The following PCLO variants were observed in gnomAD, a reference collection of about 807,000 sequenced individuals.
PCLO encodes piccolo presynaptic cytomatrix protein.
PCLO carries 82 observed loss-of-function variants against 427.5 expected under a neutral mutation model. That is an observed-to-expected ratio of 0.19 (90% CI 0.16 to 0.23). The LOEUF is 0.23. Ranked by LOEUF, PCLO falls within the 10% of genes least tolerant of loss-of-function variation. The probability of loss-of-function intolerance (pLI) is 1.00; values close to 1 mark genes in which losing one functional copy is unlikely to be tolerated. For missense variants in PCLO, 6,239 were observed against 6,115.9 expected (o/e 1.02, Z -0.67); for synonymous variants, 2,357 against 2,155.4 (o/e 1.09, Z -2.59).
At chr7:82,785,308 G>C (rs1790962533) in intron 22 of PCLO, among the ~76,000 whole-genome samples, 1 of 152,052 alleles carries the variant, frequency 6.6e-6, no homozygotes, top group Non-Finnish European at 1.5e-5. Flanking sequence ...ATTCCTAAGA[G>C]AATCTAATGC....
At chr7:83,115,730 T>C (rs114949790) in intron 3 of PCLO, among the ~76,000 whole-genome samples, 75 of 152,214 alleles carry the variant, frequency 4.9e-4, no homozygotes, top group African/African-American at 1.8e-3. Flanking sequence ...GTTAATTCCA[T>C]GTATAAGCCA....
intron 6 of PCLO, among the ~76,000 whole-genome samples, chr7:82,918,666 A>G (rs1794524671): frequency 6.6e-6 from 1 of 152,006 alleles, no homozygotes; most frequent in African/African-American, 2.4e-5. Context: ...ACTACATACT[A>G]TTTGTTTTTT....
At chr7:82,810,340 A>G (rs1791543263) in intron 20 of PCLO, among the ~76,000 whole-genome samples, 1 of 151,724 alleles carries the variant, frequency 6.6e-6, no homozygotes, top group African/African-American at 2.4e-5. Flanking sequence ...CATATGAAAA[A>G]AGTTTATATA....
intron 3 of PCLO, among the ~76,000 whole-genome samples, chr7:83,038,009 A>ATATATATT (rs1788844907): frequency 4.6e-5 from 2 of 43,346 alleles, no homozygotes; most frequent in African/African-American, 3.0e-4. Context: ...ATATATATAT[A>ATATATATT]TATATATATA....
At position 83,134,897 on chromosome 7, in the gene PCLO, C is replaced by T. The variant is rs201657775; in HGVS notation, c.2653G>A (p.Ala885Thr). The change falls in exon 3 of 25, where the codon GCT becomes ACT. Residue 885 changes from alanine (A) to threonine (T), a missense_variant. By Grantham distance (58) the Ala-to-Thr change is moderately conservative. Around this residue, in one of 5 missense-constraint regions of PCLO, gnomAD observed 4,677 missense variants for 4,468.4 expected, o/e 1.05. Transcript: ENST00000333891. ...SPTPPGPRPT[A>T]GQTVPTPQQS... ...TGAGGTGTGGGGACAGTTTGGCCAGCGGTAGGTCGTGGGCCAGGGGGTGTT... is the reference window on the plus strand; with the variant it reads ...TGAGGTGTGGGGACAGTTTGGCCAGTGGTAGGTCGTGGGCCAGGGGGTGTT... The T allele has an allele frequency of 5.7e-5, 92 of 1,601,924 alleles. No homozygotes were observed. The highest frequency in any genetic ancestry group is 1.5e-4 in the Admixed American group (9 of 58,856).
intron 3 of PCLO, among the ~76,000 whole-genome samples, chr7:82,987,897 G>T (rs2115819965): frequency 6.6e-6 from 1 of 152,152 alleles, no homozygotes; most frequent in Middle Eastern, 3.4e-3. Flanking sequence ...TAAGTAAAAT[G>T]AAGGTAAAAT....
intron 1 of PCLO, among the ~76,000 whole-genome samples, chr7:83,160,766 A>C (rs1786965502): frequency 6.6e-6 from 1 of 152,196 alleles, no homozygotes; most frequent in African/African-American, 2.4e-5. Flanking sequence ...TAGAAATCAA[A>C]GATCTCACTG....
chr7:83,060,308 G>T (rs1352483517), intron 3 of PCLO, among the ~76,000 whole-genome samples: 1 of 152,068 alleles, frequency 6.6e-6, no homozygotes, highest in Non-Finnish European at 1.5e-5. Context: ...GCTCTGCCTT[G>T]GTGCTGAGGC....
At chr7:82,991,220 C>A (rs985720936) in intron 3 of PCLO, among the ~76,000 whole-genome samples, 1 of 152,052 alleles carries the variant, frequency 6.6e-6, no homozygotes, top group East Asian at 1.9e-4. Context: ...ATCTGTCTAT[C>A]TATCTATCTA....
intron 3 of PCLO, among the ~76,000 whole-genome samples, chr7:83,123,121 A>G (rs1226130123): frequency 1.3e-5 from 2 of 152,134 alleles, no homozygotes; most frequent in African/African-American, 2.4e-5. Flanking sequence ...TCACAGAAAT[A>G]GAAAAAAAAT....
chr7:83,043,660 T>A (rs1789025610), intron 3 of PCLO, among the ~76,000 whole-genome samples: 1 of 152,112 alleles, frequency 6.6e-6, no homozygotes, highest in Non-Finnish European at 1.5e-5. Context: ...TCAATTTTCA[T>A]TTGCATCCCA....
At chr7:82,900,838 T>C (rs956630298) in intron 9 of PCLO, among the ~76,000 whole-genome samples, 3 of 151,912 alleles carry the variant, frequency 2.0e-5, no homozygotes, top group East Asian at 1.9e-4. Flanking sequence ...ATTAGTAACG[T>C]TGGGCAAAGA....
At chr7:83,085,632 C>A (rs914607726) in intron 3 of PCLO, among the ~76,000 whole-genome samples, 1 of 152,234 alleles carries the variant, frequency 6.6e-6, no homozygotes, top group South Asian at 2.1e-4. Flanking sequence ...ACTAACAGGA[C>A]TGCTATCATG....
At chr7:82,911,824 T>C (rs1328412326) in intron 7 of PCLO, among the ~76,000 whole-genome samples, 1 of 152,114 alleles carries the variant, frequency 6.6e-6, no homozygotes, top group Non-Finnish European at 1.5e-5. Flanking sequence ...GGTTTCACCA[T>C]GTTGGCTAGG....
chr7:82,828,836 C>A (rs145012210), intron 16 of PCLO, among the ~76,000 whole-genome samples: 3 of 152,240 alleles, frequency 2.0e-5, no homozygotes, highest in Non-Finnish European at 2.9e-5. Context: ...TCTGAATTTT[C>A]TGCCCAAGCT....
chr7:83,053,032 T>C (rs1789292028), intron 3 of PCLO, among the ~76,000 whole-genome samples: 1 of 152,018 alleles, frequency 6.6e-6, no homozygotes, highest in Non-Finnish European at 1.5e-5. Context: ...ATTTCCCTCT[T>C]GGGAAAGTTC....
chr7:83,099,475 G>A (rs569892227), intron 3 of PCLO, among the ~76,000 whole-genome samples: 22 of 149,746 alleles, frequency 1.5e-4, no homozygotes, highest in African/African-American at 5.2e-4. Context: ...TGCAACCTCC[G>A]CCTCCCGGAT....
chr7:83,155,102 C>T lies in PCLO; in HGVS notation c.1539G>A (p.Gln513=). The part of the protein sequence containing the change: ...QPGSTKPPPQ[Q]PGPAKPSPQQ... ...GAGGTGAGGGCTTTGCTGGGCCAGG[C>T]TGTTGAGGTGGGGGTTTTGTTGAGC... is the stretch of plus-strand genomic sequence containing the variant. Residue 513 remains glutamine (Q), a synonymous_variant, in exon 2 of 25, where the codon CAG becomes CAA. Transcript: ENST00000333891. 1.3e-6 allele frequency: 2 copies of T among 1,578,774 alleles called. No individual in the cohort carries two copies.
intron 3 of PCLO, among the ~76,000 whole-genome samples, chr7:83,084,987 T>C (rs909035365): frequency 1.3e-5 from 2 of 152,148 alleles, no homozygotes; most frequent in Non-Finnish European, 2.9e-5. Flanking sequence ...TTCTTTATAA[T>C]ATACATGTGA....
Sources: allele counts gnomAD v4.1 joint callset (sites outside exome capture counted in the v4.1 genomes callset), GRCh38; gene constraint gnomAD v4.1.1; regional missense constraint gnomAD v4.1.1; transcripts MANE v1.5; gene names NCBI Gene and HGNC (gene_info 2026-07-23, HGNC 2026-07-21).